PPARA: variants seen among roughly 807,000 people sequenced by gnomAD.
The protein encoded by PPARA is peroxisome proliferator activated receptor alpha.
Under a neutral mutation model 42.2 loss-of-function variants are expected in PPARA, and 22 were observed. That is an observed-to-expected ratio of 0.52 (90% CI 0.37 to 0.74). The LOEUF is 0.74. PPARA is among the 30% of genes least tolerant of loss of function. PPARA has a pLI of 0.00. For missense variants in PPARA, 465 were observed against 608.2 expected (o/e 0.76, Z 2.48); for synonymous variants, 242 against 239.3 (o/e 1.01, Z -0.10).
chr22:46,179,185 C>T (rs1163371833), intron 3 of PPARA, among the ~76,000 whole-genome samples: 1 of 152,178 alleles, frequency 6.6e-6, no homozygotes, highest in African/African-American at 2.4e-5. Context: ...ATGCTATCAA[C>T]ATATGAATTT....
At position 46,196,078 on chromosome 22, in the gene PPARA, C is replaced by T. The variant is rs541411237; in HGVS notation, c.-42-2264C>T. Among the ~76,000 whole-genome samples, 216 of 152,286 alleles carry T rather than the reference C, an allele frequency of 1.4e-3. 1 individual carries two copies. Among genetic ancestry groups the T allele is most frequent in the African/African-American group, 5.1e-3 (212 of 41,560 alleles). ...GGAGGTAGAAGAACAGTGACAAGTG[C>T]ACAGTCGGGTAGGGACAAATGTGGA... On this transcript the variant is annotated intron_variant, in intron 3 of 8. Transcript: ENST00000407236. The surrounding 1 kb of genome is among the most constrained non-coding windows in gnomAD (Gnocchi z 5.6).
At chr22:46,181,254 G>A (rs6009081) in intron 3 of PPARA, among the ~76,000 whole-genome samples, 2,084 of 152,230 alleles carry the variant, frequency 0.014, 33 homozygotes, top group African/African-American at 0.048. Context: ...AGATGGTTCC[G>A]GGAGGGCCGT....
chr22:46,159,494 G>C (rs1250012745), intron 2 of PPARA, among the ~76,000 whole-genome samples: 1 of 152,066 alleles, frequency 6.6e-6, no homozygotes, highest in Non-Finnish European at 1.5e-5. Flanking sequence ...ATCTCTGCAC[G>C]GCTTCCCTGT....
At chr22:46,186,065 G>A (rs993306617) in intron 3 of PPARA, among the ~76,000 whole-genome samples, 14 of 148,152 alleles carry the variant, frequency 9.4e-5, no homozygotes, top group Non-Finnish European at 1.5e-5. Flanking sequence ...ACTTCCCTGA[G>A]TTGGCCCCTA....
At chr22:46,170,569 CAG>C (rs1266098649) in intron 2 of PPARA, among the ~76,000 whole-genome samples, 1 of 151,510 alleles carries the variant, frequency 6.6e-6, no homozygotes, top group East Asian at 1.9e-4. Flanking sequence ...TTTTGTAAGA[CAG>C]GGAACAATGT....
At chr22:46,218,863 A>G (rs1349707594) in intron 6 of PPARA, among the ~76,000 whole-genome samples, 1 of 139,274 alleles carries the variant, frequency 7.2e-6, no homozygotes. Context: ...AAAGAAAGAA[A>G]GAAAGAAAAT....
chr22:46,156,525 A>C lies in PPARA; in HGVS notation c.-127+4555A>C, dbSNP rs1925323621. On this transcript the variant is annotated intron_variant, in intron 2 of 8. Transcript: ENST00000407236. This position sits in a 1 kb window ranked among gnomAD's most constrained non-coding sequence, Gnocchi z 5.2. ...CATGCTACCGTACCCCTTATACACC[A>C]AAACTGGTTTTCATTTTGGAATATA... 6.6e-6 allele frequency: 1 copy of C among 152,210 alleles called. No homozygotes were observed. Among genetic ancestry groups the C allele is most frequent in the Non-Finnish European group, 1.5e-5 (1 of 68,022 alleles). The allele number at this position is 152,210 out of a possible 1,614,324, so 9.4% of individuals were successfully genotyped here. A position where few individuals can be genotyped will look rare whatever the true frequency, so the allele number is the denominator to read the frequency against.
At position 46,235,195 on chromosome 22, in the gene PPARA, C is replaced by T. The variant is rs1159965911; in HGVS notation, c.1222C>T (p.Leu408Phe). 1.2e-6 allele frequency: 2 copies of T among 1,614,052 alleles called. No individual in the cohort carries two copies. The highest frequency in any genetic ancestry group is 1.7e-5 in the Admixed American group (1 of 60,004). ...AATGCAGGAGGGTATTGTACATGTG[C>T]TCAGACTCCACCTGCAGAGCAACCA... ...EKMQEGIVHV[L>F]RLHLQSNHPD... Residue 408 changes from leucine (L) to phenylalanine (F), a missense_variant, in exon 9 of 9, where the codon CTC (leucine) becomes TTC (phenylalanine). Physicochemically the swap from Leu to Phe is conservative, Grantham distance 22 (BLOSUM62 0). This residue lies in a region of PPARA where 313 missense variants were observed against 469.1 expected (regional missense o/e 0.67). Transcript: ENST00000407236. The surrounding 1 kb of genome is among the most constrained non-coding windows in gnomAD (Gnocchi z 7.0).
At position 46,183,387 on chromosome 22, in the gene PPARA, A is replaced by C. The variant is rs766082405; in HGVS notation, c.-43+6551A>C. On this transcript the variant is annotated intron_variant, in intron 3 of 8. Coordinates refer to ENST00000407236, the MANE Select transcript of PPARA (RefSeq NM_005036.6). The surrounding 1 kb of genome is among the most constrained non-coding windows in gnomAD (Gnocchi z 5.5). ...CCAAGAGAGAGTAATATTCATCAAG[A>C]GGATCATCTACTCAACACAGATAAA... Among the ~76,000 whole-genome samples the C allele has an allele frequency of 3.9e-5, 6 of 152,252 alleles. No homozygotes were observed. Among genetic ancestry groups the C allele is most frequent in the Non-Finnish European group, 5.9e-5 (4 of 68,044 alleles).
Position 46,170,402 on chromosome 22 carries a change from A to AT in PPARA, c.-126-6324dup, listed in dbSNP as rs935185946. On this transcript the variant is annotated intron_variant, in intron 2 of 8. Transcript: ENST00000407236. ...AGGTGTGTACCACCACACCCAGCTAATTTTTTTTTTTTTTTTTTTTTTTTT... is the reference window on the plus strand; with the variant it reads ...AGGTGTGTACCACCACACCCAGCTAATTTTTTTTTTTTTTTTTTTTTTTTTT... Among the ~76,000 whole-genome samples the AT allele has an allele frequency of 7.8e-3, 503 of 64,220 alleles. 21 individuals are homozygous for AT. The highest frequency in any genetic ancestry group is 0.025 in the African/African-American group (425 of 17,292). The allele number at this position is 64,220 out of a possible 152,430, so 42.1% of individuals were successfully genotyped here. A position where few individuals can be genotyped will look rare whatever the true frequency, so the allele number is the denominator to read the frequency against.
In PPARA at chr22:46,224,537, G is replaced by T. The variant is rs892197742; in HGVS notation, c.711+4523G>T. ...CCCACATGCGGTCGCCGTTTCATCA[G>T]TTTCCAGCCTGGGTGACCTCACAGC... On this transcript the variant is annotated intron_variant, in intron 7 of 8. Coordinates refer to ENST00000407236, the MANE Select transcript of PPARA (RefSeq NM_005036.6). This position sits in a 1 kb window ranked among gnomAD's most constrained non-coding sequence, Gnocchi z 5.7. Among the ~76,000 whole-genome samples the T allele has an allele frequency of 7.2e-5, 11 of 152,106 alleles. No homozygotes were observed. The highest frequency in any genetic ancestry group is 2.4e-4 in the African/African-American group (10 of 41,428).
At chr22:46,172,081 G>C (rs1195981624) in intron 2 of PPARA, among the ~76,000 whole-genome samples, 2 of 152,072 alleles carry the variant, frequency 1.3e-5, no homozygotes, top group African/African-American at 4.8e-5. Context: ...GGTGATACCT[G>C]TCCCTGGTCG....
rs909131618 is a variant in PPARA, at chr22:46,241,275, T to A, written c.*5895T>A. On this transcript the variant is annotated 3_prime_UTR_variant, in exon 9 of 9. Transcript: ENST00000407236. The surrounding 1 kb of genome is among the most constrained non-coding windows in gnomAD (Gnocchi z 5.7). ...TTCAGGAAAACGGTTATTGACCCCA[T>A]AGACTAGGGTAAGAATAAAGGCAAT... 2 of 152,168 alleles carry A rather than the reference T, an allele frequency of 1.3e-5. No homozygotes were observed. Among genetic ancestry groups the A allele is most frequent in the African/African-American group, 4.8e-5 (2 of 41,436 alleles). The allele number at this position is 152,168 out of a possible 1,614,324, so 9.4% of individuals were successfully genotyped here.
chr22:46,240,340 C>T lies in PPARA; in HGVS notation c.*4960C>T. On this transcript the variant is annotated 3_prime_UTR_variant, in exon 9 of 9. Coordinates refer to ENST00000407236, the MANE Select transcript of PPARA (RefSeq NM_005036.6). This position sits in a 1 kb window ranked among gnomAD's most constrained non-coding sequence, Gnocchi z 6.0. The stretch of plus-strand genomic sequence containing the variant: ...GTGTTGCTAGCCGCTGGTCCCCAGG[C>T]ACGGTGCACTTTCTCCACCTCCTGC... 1 of 397,958 alleles carries T rather than the reference C, an allele frequency of 2.5e-6. No individual in the cohort carries two copies. The highest frequency in any genetic ancestry group is 4.4e-6 in the Non-Finnish European group (1 of 225,770). The allele number at this position is 397,958 out of a possible 1,614,324, so 24.7% of individuals were successfully genotyped here.
rs1055903900 is a variant in PPARA at position 46,187,429 on chromosome 22, C to A, written c.-43+10593C>A. Among the ~76,000 whole-genome samples, 15 of 152,352 alleles carry A rather than the reference C, an allele frequency of 9.8e-5. No individual in the cohort carries two copies. Among genetic ancestry groups the A allele is most frequent in the African/African-American group, 3.6e-4 (15 of 41,576 alleles). On this transcript the variant is annotated intron_variant, in intron 3 of 8. Transcript: ENST00000407236. The surrounding 1 kb of genome is among the most constrained non-coding windows in gnomAD (Gnocchi z 4.9). ...CTCTGTCCCAGGTCCCTGGTCCAGG[C>A]AGCTGCCAGTTGTCAGGATCAGCTC...
At position 46,235,003 on chromosome 22, in the gene PPARA, A is replaced by G. The variant is rs140630679; in HGVS notation, c.1160-130A>G. On this transcript the variant is annotated intron_variant, in intron 8 of 8. Coordinates refer to ENST00000407236, the MANE Select transcript of PPARA (RefSeq NM_005036.6). The surrounding 1 kb of genome is among the most constrained non-coding windows in gnomAD (Gnocchi z 7.0). The stretch of plus-strand genomic sequence containing the variant: ...ATGTCTATCTTCCAGTCAAGTTGAC[A>G]ATATCTAAAGGCAGCTCAGTTTTTT... 7.8e-7 allele frequency: 1 copy of G among 1,286,212 alleles called. No homozygotes were observed. Among genetic ancestry groups the G allele is most frequent in the Admixed American group, 1.8e-5 (1 of 56,188 alleles). The allele number at this position is 1,286,212 out of a possible 1,614,324, so 79.7% of individuals were successfully genotyped here.
chr22:46,158,628 A>G (rs1011330684), intron 2 of PPARA, among the ~76,000 whole-genome samples: 1 of 152,236 alleles, frequency 6.6e-6, no homozygotes, highest in East Asian at 1.9e-4. Flanking sequence ...ATCAAGTGAC[A>G]TGCAAATCTT....
intron 3 of PPARA, among the ~76,000 whole-genome samples, chr22:46,181,931 T>G (rs2147266274): frequency 6.6e-6 from 1 of 152,364 alleles, no homozygotes; most frequent in South Asian, 2.1e-4. Flanking sequence ...TCTACTTCAC[T>G]GGGATCAAGT....
At chr22:46,169,396 G>A (rs558837155) in intron 2 of PPARA, among the ~76,000 whole-genome samples, 95 of 152,004 alleles carry the variant, frequency 6.2e-4, no homozygotes, top group African/African-American at 1.6e-3. Flanking sequence ...CACCACGCCC[G>A]GCTAATTTTT....
Sources: gnomAD v4.1 joint callset for allele counts (sites outside exome capture counted in the v4.1 genomes callset) on GRCh38, gnomAD v4.1.1 for gene constraint, gnomAD v4.1.1 regional missense constraint, Gnocchi (gnomAD v3.1) non-coding constraint, MANE v1.5 for transcripts, NCBI Gene and HGNC (gene_info 2026-07-23, HGNC 2026-07-21) for gene names.